Variants in DLG2 observed in about 807,000 individuals in gnomAD.
DLG2 encodes the protein discs large MAGUK scaffold protein 2, also known as disks large homolog 2.
In DLG2, 45 loss-of-function variants were observed where a neutral mutation model predicts 132.5. That is an observed-to-expected ratio of 0.34 (90% CI 0.27 to 0.44). The LOEUF is 0.44. Ranked by LOEUF, DLG2 falls within the 20% of genes least tolerant of loss-of-function variation. The probability of loss-of-function intolerance (pLI) is 1.00; values close to 1 mark genes in which losing one functional copy is unlikely to be tolerated. For missense variants in DLG2, 1,045 were observed against 1,196.9 expected, an observed-to-expected ratio of 0.87 and a Z score of 1.87; for synonymous variants, 424 against 419.6, an observed-to-expected ratio of 1.01 and a Z score of -0.13.
chr11:84,545,109 A>G (rs1340509530), intron 6 of DLG2: 2 of 450,820 alleles, frequency 4.4e-6, no homozygotes, highest in African/African-American at 2.0e-5. Context: ...CTCTCACGCT[A>G]AGCTTTGTTT....
At chr11:84,227,275 A>T (rs1252393936) in intron 8 of DLG2, among the ~76,000 whole-genome samples, 1 of 152,066 alleles carries the variant, frequency 6.6e-6, no homozygotes, top group African/African-American at 2.4e-5. Flanking sequence ...GTAGACAAAA[A>T]TTAGTGCAAA....
At position 85,026,706 on chromosome 11, in the gene DLG2, G is replaced by A. The variant is rs183876699; in HGVS notation, c.357+84955C>T. On this transcript the variant is annotated intron_variant, in intron 6 of 27. Transcript: ENST00000376104. ...CAACAAATTAGCCGGGCGTGGTGGC[G>A]GGCGCCTGTAGTCCCAGCTACTCAG... 1.6e-3 allele frequency among the ~76,000 whole-genome samples: 238 copies of A among 151,996 alleles called. 1 individual carries two copies. The highest frequency in any genetic ancestry group is 5.4e-3 in the African/African-American group (223 of 41,446).
At chr11:85,337,731 T>C (rs1190051076) in intron 3 of DLG2, among the ~76,000 whole-genome samples, 2 of 152,154 alleles carry the variant, frequency 1.3e-5, no homozygotes, top group Non-Finnish European at 2.9e-5. Context: ...TGGAAGAAAA[T>C]ATCTTTCGTC....
rs141496023 is a variant in DLG2 at position 84,088,032 on chromosome 11, C to T, written c.749+10891G>A. Among the ~76,000 whole-genome samples, 54 of 152,180 alleles carry T rather than the reference C, an allele frequency of 3.5e-4. No homozygotes were observed. The East Asian group carries it at 9.5e-3, about 27-fold the overall frequency. On this transcript the variant is annotated intron_variant, in intron 10 of 27. Transcript: ENST00000376104. ...TTTATTACACATTCCGGATACAAGT[C>T]GTTTATCAGGTATATTATTTGCAAG...
chr11:84,413,446 T>C (rs2098916977), intron 7 of DLG2, among the ~76,000 whole-genome samples: 3 of 152,160 alleles, frequency 2.0e-5, no homozygotes, highest in Admixed American at 2.0e-4. Context: ...CCAGGCAGCC[T>C]TGAGAGGTTA....
At chr11:84,631,345 G>C (rs1458670433) in intron 6 of DLG2, among the ~76,000 whole-genome samples, 1 of 151,992 alleles carries the variant, frequency 6.6e-6, no homozygotes, top group Admixed American at 6.6e-5. Context: ...CCATAATTAA[G>C]AAGACTGGTC....
chr11:85,410,042 A>C (rs2089173036), intron 3 of DLG2, among the ~76,000 whole-genome samples: 1 of 151,928 alleles, frequency 6.6e-6, no homozygotes, highest in Non-Finnish European at 1.5e-5. Flanking sequence ...GGCATAGCAT[A>C]CTAGAATCTT....
At chr11:84,185,513 G>A (rs1162575561) in intron 8 of DLG2, among the ~76,000 whole-genome samples, 1 of 152,136 alleles carries the variant, frequency 6.6e-6, no homozygotes. Context: ...CGTGTCATCT[G>A]CAAACAGGGA....
intron 19 of DLG2, among the ~76,000 whole-genome samples, chr11:83,579,031 A>G (rs559496727): frequency 6.6e-6 from 1 of 152,294 alleles, no homozygotes; most frequent in Non-Finnish European, 1.5e-5. Context: ...TTTCTCTGAT[A>G]TATGTGGCTC....
intron 4 of DLG2, among the ~76,000 whole-genome samples, chr11:85,274,356 G>T (rs2449987): frequency 1.3e-5 from 2 of 152,012 alleles, no homozygotes; most frequent in African/African-American, 4.8e-5. Context: ...AAATAAACTA[G>T]TCTCAACAAC....
At chr11:85,537,263 G>C (rs2075651588) in intron 3 of DLG2, among the ~76,000 whole-genome samples, 1 of 152,206 alleles carries the variant, frequency 6.6e-6, no homozygotes, top group East Asian at 1.9e-4. Flanking sequence ...GGAGGATGTG[G>C]GTGGGGCAAG....
intron 7 of DLG2, among the ~76,000 whole-genome samples, chr11:84,355,160 T>C (rs1295759809): frequency 6.6e-6 from 1 of 152,032 alleles, no homozygotes; most frequent in Non-Finnish European, 1.5e-5. Flanking sequence ...CTGTGAATGC[T>C]TCTTAGAGGT....
At chr11:84,650,742 A>G (rs1228524695) in intron 6 of DLG2, among the ~76,000 whole-genome samples, 2 of 151,770 alleles carry the variant, frequency 1.3e-5, no homozygotes, top group Non-Finnish European at 2.9e-5. Context: ...GGCTCTCCCA[A>G]TAAGTATATA....
At chr11:83,834,802 T>C (rs926878535) in intron 16 of DLG2, among the ~76,000 whole-genome samples, 4 of 152,302 alleles carry the variant, frequency 2.6e-5, no homozygotes, top group Middle Eastern at 3.4e-3. Flanking sequence ...AAAATGCATT[T>C]AGTTCAATTT....
chr11:83,944,553 A>T (rs927400049), intron 14 of DLG2, among the ~76,000 whole-genome samples: 8 of 152,200 alleles, frequency 5.3e-5, no homozygotes, highest in Admixed American at 5.2e-4. Context: ...CTGTTAAGTG[A>T]ACTACTGGAA....
At chr11:85,485,751 C>T (rs994562446) in intron 3 of DLG2, among the ~76,000 whole-genome samples, 2 of 152,190 alleles carry the variant, frequency 1.3e-5, no homozygotes, top group Non-Finnish European at 2.9e-5. Context: ...ACATGAGGAA[C>T]AGACTAGAGA....
chr11:83,982,351 G>T (rs1254681172), intron 11 of DLG2, among the ~76,000 whole-genome samples: 1 of 151,844 alleles, frequency 6.6e-6, no homozygotes, highest in African/African-American at 2.4e-5. Flanking sequence ...ACATGTTATT[G>T]CTCCTGAACA....
intron 6 of DLG2, among the ~76,000 whole-genome samples, chr11:84,966,032 A>G (rs2053270693): frequency 6.6e-6 from 1 of 152,016 alleles, no homozygotes; most frequent in African/African-American, 2.4e-5. Flanking sequence ...TGCTCATTCA[A>G]TATGTGTTTA....
chr11:84,777,240 T>C lies in DLG2; in HGVS notation c.358-242509A>G, dbSNP rs1234800102. 6.4e-3 allele frequency among the ~76,000 whole-genome samples: 7 copies of C among 1,088 alleles called. 1 individual carries two copies. Among genetic ancestry groups the C allele is most frequent in the Admixed American group, 0.026 (2 of 76 alleles). The allele number at this position is 1,088 out of a possible 152,430, so 0.7% of individuals were successfully genotyped here. A position where few individuals can be genotyped will look rare whatever the true frequency, so the allele number is the denominator to read the frequency against. On this transcript the variant is annotated intron_variant, in intron 6 of 27. Coordinates refer to ENST00000376104, the MANE Select transcript of DLG2 (RefSeq NM_001142699.3). ...AGATGTAATTTCATTCTTTTTGCTG[T>C]CTAAATAGTATCCATTGTGTGTGTA...
Sources: allele counts gnomAD v4.1 joint callset (sites outside exome capture counted in the v4.1 genomes callset), GRCh38; gene constraint gnomAD v4.1.1; transcripts MANE v1.5; gene names NCBI Gene and HGNC (gene_info 2026-07-23, HGNC 2026-07-21).